The following CCDC85A variants were observed in gnomAD, a reference collection of about 807,000 sequenced individuals.
CCDC85A encodes coiled-coil domain containing 85A.
A neutral mutation model predicts 50.2 loss-of-function variants in CCDC85A; 38 were observed. The observed-to-expected ratio is 0.76, with a 90% CI of 0.58 to 0.99. The LOEUF is 0.99. CCDC85A is among the 50% of genes least tolerant of loss of function. The pLI is 0.00. For synonymous variants in CCDC85A, 366 were observed against 301.4 expected, an observed-to-expected ratio of 1.21 and a Z score of -2.22; for missense variants, 820 against 742.0, an observed-to-expected ratio of 1.11 and a Z score of -1.22.
chr2:56,340,983 G>A (rs1267367116), intron 2 of CCDC85A, among the ~76,000 whole-genome samples: 1 of 151,572 alleles, frequency 6.6e-6, no homozygotes, highest in Non-Finnish European at 1.5e-5. Context: ...CAAGTGCACT[G>A]TTTGACCTTT....
intron 2 of CCDC85A, among the ~76,000 whole-genome samples, chr2:56,203,686 T>C (rs1676838568): frequency 1.3e-5 from 2 of 152,296 alleles, no homozygotes; most frequent in African/African-American, 4.8e-5. Flanking sequence ...CCTGTGGACT[T>C]TCACCCATAT....
intron 2 of CCDC85A, among the ~76,000 whole-genome samples, chr2:56,276,725 T>A (rs1670964711): frequency 6.6e-6 from 1 of 152,220 alleles, no homozygotes; most frequent in Non-Finnish European, 1.5e-5. Context: ...GAAAATGGAC[T>A]AATACAGTGA....
chr2:56,260,088 G>T (rs941242133), intron 2 of CCDC85A, among the ~76,000 whole-genome samples: 2 of 152,202 alleles, frequency 1.3e-5, no homozygotes, highest in Non-Finnish European at 2.9e-5. Context: ...AGAGAAGTAG[G>T]ATCTGAAGGG....
chr2:56,376,422 G>A (rs1017014091), intron 5 of CCDC85A, among the ~76,000 whole-genome samples: 23 of 152,056 alleles, frequency 1.5e-4, no homozygotes, highest in African/African-American at 2.9e-4. Context: ...TAGAAATTGG[G>A]TTCTCAAACT....
intron 2 of CCDC85A, among the ~76,000 whole-genome samples, chr2:56,199,713 G>C (rs1330064272): frequency 6.6e-6 from 1 of 152,034 alleles, no homozygotes; most frequent in Non-Finnish European, 1.5e-5. Flanking sequence ...GTTCCCAATG[G>C]CTGGTCATAG....
intron 2 of CCDC85A, among the ~76,000 whole-genome samples, chr2:56,285,450 ATAAT>A (rs200306956): frequency 0.11 from 15,826 of 145,882 alleles, 1,008 homozygotes; most frequent in East Asian, 0.32. Flanking sequence ...TATTAATAAT[ATAAT>A]TAATTATATT....
At chr2:56,186,965 T>C (rs1223100840) in intron 1 of CCDC85A, among the ~76,000 whole-genome samples, 1 of 152,196 alleles carries the variant, frequency 6.6e-6, no homozygotes, top group Middle Eastern at 3.2e-3. Context: ...ATGCAGCTTC[T>C]ACTCTTCTCA....
chr2:56,336,384 C>T (rs1412454252), intron 2 of CCDC85A, among the ~76,000 whole-genome samples: 1 of 152,110 alleles, frequency 6.6e-6, no homozygotes, highest in Non-Finnish European at 1.5e-5. Flanking sequence ...GAACTCCTGA[C>T]CTCAGGTGAT....
chr2:56,246,006 C>A (rs1669493050), intron 2 of CCDC85A, among the ~76,000 whole-genome samples: 1 of 152,200 alleles, frequency 6.6e-6, no homozygotes, highest in Non-Finnish European at 1.5e-5. Flanking sequence ...CTCGCTGCAA[C>A]CTCCACCTCC....
At chr2:56,328,731 C>T (rs917459736) in intron 2 of CCDC85A, among the ~76,000 whole-genome samples, 4 of 151,588 alleles carry the variant, frequency 2.6e-5, no homozygotes, top group African/African-American at 2.4e-5. Context: ...TCCCTTAATA[C>T]GTCACATCTA....
In CCDC85A at chr2:56,184,905, G is replaced by A; in HGVS notation, c.276+5G>A. On this transcript the variant is annotated splice_donor_5th_base_variant and intron_variant, in intron 1 of 5. Coordinates refer to ENST00000407595, the MANE Select transcript of CCDC85A (RefSeq NM_001080433.2). ...GGCGAGATCCGCGGCCTCAAGGTGA[G>A]CGCGGGCCAGGTGGGGAGGCGCGGC... 2 of 1,497,758 alleles carry A rather than the reference G, an allele frequency of 1.3e-6. No homozygotes were observed. The highest frequency in any genetic ancestry group is 1.8e-6 in the Non-Finnish European group (2 of 1,127,814). 92.8% of individuals were successfully genotyped at this position (1,497,758 alleles called of 1,614,324 possible).
chr2:56,272,588 A>G (rs1670745315), intron 2 of CCDC85A, among the ~76,000 whole-genome samples: 1 of 152,212 alleles, frequency 6.6e-6, no homozygotes, highest in South Asian at 2.1e-4. Context: ...ACACCCAGGG[A>G]CATCATATAT....
intron 2 of CCDC85A, among the ~76,000 whole-genome samples, chr2:56,311,919 T>C (rs1444868686): frequency 6.6e-6 from 1 of 151,992 alleles, no homozygotes; most frequent in Admixed American, 6.6e-5. Context: ...AGCATCACAT[T>C]TTAACAAGAT....
At chr2:56,321,480 C>T (rs754318119) in intron 2 of CCDC85A, among the ~76,000 whole-genome samples, 4 of 152,272 alleles carry the variant, frequency 2.6e-5, no homozygotes, top group Middle Eastern at 3.4e-3. Flanking sequence ...AAATCACACG[C>T]ATTCCTATGC....
At chr2:56,357,968 C>A (rs1027609921) in intron 3 of CCDC85A, among the ~76,000 whole-genome samples, 1 of 152,104 alleles carries the variant, frequency 6.6e-6, no homozygotes, top group African/African-American at 2.4e-5. Context: ...CCATTCTGAC[C>A]CTGGCCCCCC....
chr2:56,294,684 C>G (rs1207104068), intron 2 of CCDC85A, among the ~76,000 whole-genome samples: 5 of 152,326 alleles, frequency 3.3e-5, no homozygotes. Context: ...AGATAAAACA[C>G]TTTGCCTAAA....
At chr2:56,218,905 A>G (rs1222582073) in intron 2 of CCDC85A, among the ~76,000 whole-genome samples, 1 of 151,806 alleles carries the variant, frequency 6.6e-6, no homozygotes, top group Non-Finnish European at 1.5e-5. Context: ...TAGACATAAA[A>G]TATATTACTG....
intron 3 of CCDC85A, among the ~76,000 whole-genome samples, chr2:56,351,893 T>C (rs544560852): frequency 6.6e-6 from 1 of 152,170 alleles, no homozygotes; most frequent in Non-Finnish European, 1.5e-5. Context: ...TTTGTTGCCA[T>C]TGCTTTTGGT....
chr2:56,301,122 A>T (rs1672183279), intron 2 of CCDC85A, among the ~76,000 whole-genome samples: 1 of 152,176 alleles, frequency 6.6e-6, no homozygotes, highest in African/African-American at 2.4e-5. Context: ...TAGGTTTTGG[A>T]TGCTTTTTTT....
Sources: gnomAD v4.1 joint callset for allele counts (sites outside exome capture counted in the v4.1 genomes callset) on GRCh38, gnomAD v4.1.1 for gene constraint, MANE v1.5 for transcripts, NCBI Gene and HGNC (gene_info 2026-07-23, HGNC 2026-07-21) for gene names.